DESI2: variants seen among roughly 807,000 people sequenced by gnomAD.
DESI2 encodes desumoylating isopeptidase 2, also known as deubiquitinase DESI2.
Under a neutral mutation model 24.1 loss-of-function variants are expected in DESI2, and 10 were observed. The ratio of observed to expected loss-of-function variants is 0.41; its 90% CI spans 0.26 to 0.70. The LOEUF (loss-of-function observed/expected upper bound fraction) is 0.70. Ranked by LOEUF, DESI2 falls within the 30% of genes least tolerant of loss-of-function variation. DESI2 has a pLI of 0.29. For synonymous variants in DESI2, 71 were observed against 87.7 expected, an observed-to-expected ratio of 0.81 and a Z score of 1.06; for missense variants, 122 against 234.9, an observed-to-expected ratio of 0.52 and a Z score of 3.14.
chr1:244,681,166 C>T (rs925897723), intron 1 of DESI2, among the ~76,000 whole-genome samples: 1 of 152,168 alleles, frequency 6.6e-6, no homozygotes, highest in African/African-American at 2.4e-5. Context: ...TTGAATCAAC[C>T]ATTTCTCCAG....
chr1:244,671,564 G>A (rs1299020943), intron 1 of DESI2, among the ~76,000 whole-genome samples: 1 of 152,128 alleles, frequency 6.6e-6, no homozygotes, highest in Non-Finnish European at 1.5e-5. Context: ...CCAACTTCTA[G>A]GGCTTTATTT....
At chr1:244,654,055 GAGGGA>G in intron 1 of DESI2, 1 of 469,776 alleles carries the variant, frequency 2.1e-6, no homozygotes, top group Non-Finnish European at 4.4e-6. Flanking sequence ...GACCACGGGA[GAGGGA>G]AGGGAAGAAG....
chr1:244,677,736 G>A (rs533386229), intron 1 of DESI2, among the ~76,000 whole-genome samples: 6 of 152,082 alleles, frequency 3.9e-5, no homozygotes, highest in Non-Finnish European at 5.9e-5. Context: ...GCAACATAGC[G>A]AGACCCTGCA....
At chr1:244,657,808 A>C (rs1675699871) in intron 1 of DESI2, among the ~76,000 whole-genome samples, 1 of 152,250 alleles carries the variant, frequency 6.6e-6, no homozygotes, top group African/African-American at 2.4e-5. Flanking sequence ...GGAAGAAGAT[A>C]GGGTCATTTT....
intron 4 of DESI2, among the ~76,000 whole-genome samples, chr1:244,698,986 T>C (rs549336032): frequency 1.3e-5 from 2 of 152,310 alleles, no homozygotes; most frequent in African/African-American, 4.8e-5. Context: ...ACTCTCTACC[T>C]CTTAGGAAAG....
intron 4 of DESI2, among the ~76,000 whole-genome samples, chr1:244,699,788 A>G (rs545296267): frequency 2.0e-5 from 3 of 152,132 alleles, no homozygotes; most frequent in Non-Finnish European, 4.4e-5. Flanking sequence ...AAAGGAGGCA[A>G]AGACTGATCA....
intron 2 of DESI2, among the ~76,000 whole-genome samples, chr1:244,688,358 T>G (rs954042197): frequency 6.6e-6 from 1 of 152,248 alleles, no homozygotes; most frequent in African/African-American, 2.4e-5. Flanking sequence ...AATAGCCACT[T>G]TATTTCTCAA....
intron 1 of DESI2, among the ~76,000 whole-genome samples, chr1:244,659,247 A>C (rs541761274): frequency 6.6e-6 from 1 of 152,170 alleles, no homozygotes; most frequent in African/African-American, 2.4e-5. Context: ...GTTTCCATAC[A>C]TATGTACATT....
intron 1 of DESI2, chr1:244,653,920 C>T (rs1026893367): frequency 2.5e-5 from 12 of 471,078 alleles, no homozygotes; most frequent in Middle Eastern, 3.2e-4. Context: ...AAGGCAACCT[C>T]GTTAAAATAT....
intron 1 of DESI2, among the ~76,000 whole-genome samples, chr1:244,682,238 C>T (rs1272096469): frequency 6.6e-6 from 1 of 152,118 alleles, no homozygotes; most frequent in Non-Finnish European, 1.5e-5. Flanking sequence ...ACCCGCATCC[C>T]ACTGATTGGT....
Position 244,705,866 on chromosome 1 carries a change from C to A in DESI2, c.*77C>A. The A allele has an allele frequency of 9.6e-7, 1 of 1,039,082 alleles. No homozygotes were observed. Among genetic ancestry groups the A allele is most frequent in the Non-Finnish European group, 1.4e-6 (1 of 715,200 alleles). The allele number at this position is 1,039,082 out of a possible 1,614,324, so 64.4% of individuals were successfully genotyped here. On this transcript the variant is annotated 3_prime_UTR_variant, in exon 5 of 5. Coordinates refer to ENST00000302550, the MANE Select transcript of DESI2 (RefSeq NM_016076.5). ...AGAGAAAAGTAAACAGAGAAGCATCCTTTAGATATTTTGTATGCAAAGATG... is the reference window on the plus strand; with the variant it reads ...AGAGAAAAGTAAACAGAGAAGCATCATTTAGATATTTTGTATGCAAAGATG...
intron 4 of DESI2, among the ~76,000 whole-genome samples, chr1:244,704,335 T>C (rs1455007113): frequency 6.6e-6 from 1 of 152,020 alleles, no homozygotes; most frequent in Non-Finnish European, 1.5e-5. Flanking sequence ...AAAGTGGCAG[T>C]GGGGCATGAA....
intron 4 of DESI2, among the ~76,000 whole-genome samples, chr1:244,697,530 T>C (rs558041350): frequency 6.6e-6 from 1 of 150,404 alleles, no homozygotes; most frequent in East Asian, 2.0e-4. Flanking sequence ...GGTAGAGGTA[T>C]GGAAAACCTT....
chr1:244,681,416 C>G lies in DESI2; in HGVS notation c.43-5181C>G, dbSNP rs1024231626. On this transcript the variant is annotated intron_variant, in intron 1 of 4. Transcript: ENST00000302550. ...AGTATATGTACTCACTTGCTCTCTA[C>G]TAGAGCATAGCAGTCCCCAACCTTT... Among the ~76,000 whole-genome samples the G allele has an allele frequency of 4.7e-4, 71 of 151,938 alleles. 1 individual carries two copies. Among genetic ancestry groups the G allele is most frequent in the Non-Finnish European group, 7.4e-5 (5 of 68,002 alleles).
chr1:244,685,868 A>G (rs926937038), intron 1 of DESI2, among the ~76,000 whole-genome samples: 2 of 152,126 alleles, frequency 1.3e-5, no homozygotes, highest in African/African-American at 2.4e-5. Context: ...CCCCTTTCAC[A>G]GTCATTTCCT....
In DESI2 at chr1:244,689,961, A is replaced by G. The variant is rs74764834; in HGVS notation, c.209+619A>G. 6.1e-4 allele frequency among the ~76,000 whole-genome samples: 93 copies of G among 152,378 alleles called. No homozygotes were observed. In the East Asian group the frequency reaches 0.016, roughly 27 times the overall value. ...GTTTGAAATAATTAAACAGTTGATTAGCGTAGAATCCATTGTTAAGGTACA... is the reference window on the plus strand; with the variant it reads ...GTTTGAAATAATTAAACAGTTGATTGGCGTAGAATCCATTGTTAAGGTACA... On this transcript the variant is annotated intron_variant, in intron 3 of 4. Coordinates refer to ENST00000302550, the MANE Select transcript of DESI2 (RefSeq NM_016076.5). This position sits in a 1 kb window ranked among gnomAD's most constrained non-coding sequence, Gnocchi z 4.0.
chr1:244,706,652 T>C lies in DESI2; in HGVS notation c.*863T>C, dbSNP rs748714741. 1.3e-5 allele frequency: 2 copies of C among 152,646 alleles called. No homozygotes were observed. Among genetic ancestry groups the C allele is most frequent in the Admixed American group, 6.5e-5 (1 of 15,286 alleles). The allele number at this position is 152,646 out of a possible 1,614,324, so 9.5% of individuals were successfully genotyped here. On this transcript the variant is annotated 3_prime_UTR_variant, in exon 5 of 5. Coordinates refer to ENST00000302550, the MANE Select transcript of DESI2 (RefSeq NM_016076.5). Reference sequence around the variant, plus strand: ...GGATTTTGATGGTGTGGGAATATCCTAAGTGGTAGCCTTCCAAGTAGCAGT... The same window carrying C: ...GGATTTTGATGGTGTGGGAATATCCCAAGTGGTAGCCTTCCAAGTAGCAGT...
chr1:244,691,375 C>T (rs1201762087), intron 3 of DESI2, among the ~76,000 whole-genome samples: 3 of 152,260 alleles, frequency 2.0e-5, no homozygotes, highest in Admixed American at 6.5e-5. Context: ...AGGCGTGAGC[C>T]GCCATACCCG....
chr1:244,676,414 AT>A (rs1676417735), intron 1 of DESI2, among the ~76,000 whole-genome samples: 1 of 152,052 alleles, frequency 6.6e-6, no homozygotes, highest in Admixed American at 6.6e-5. Context: ...GTACCCTGCA[AT>A]GTTTTTAACT....
Sources: allele counts gnomAD v4.1 joint callset (sites outside exome capture counted in the v4.1 genomes callset), GRCh38; gene constraint gnomAD v4.1.1; non-coding constraint Gnocchi (gnomAD v3.1); transcripts MANE v1.5; gene names NCBI Gene and HGNC (gene_info 2026-07-23, HGNC 2026-07-21).